TTLL13: variants seen among roughly 807,000 people sequenced by gnomAD.
The protein encoded by TTLL13 is tubulin tyrosine ligase like 13.
At chr15:90,256,545 T>TTTTCTTTCTTTCTC in the TTLL13 span, among the ~76,000 whole-genome samples, 8 of 105,392 alleles carry the variant, frequency 7.6e-5, no homozygotes, top group African/African-American at 2.6e-4. Context: ...TCTCCTTCCT[T>TTTTCTTTCTTTCTC]TTTCTTTCTT....
At chr15:90,258,932 G>C in the TTLL13 span, 1 of 1,614,184 alleles carries the variant, frequency 6.2e-7, no homozygotes, top group Non-Finnish European at 8.5e-7. Context: ...ATCTAGGTGT[G>C]CTAGGTGTCT....
At chr15:90,251,219 T>G in the TTLL13 span, among the ~76,000 whole-genome samples, 1 of 149,034 alleles carries the variant, frequency 6.7e-6, no homozygotes, top group Non-Finnish European at 1.5e-5. Context: ...GTTCAGGCCA[T>G]TCTCCTGCCT....
the TTLL13 span, chr15:90,265,327 CA>C: frequency 8.2e-7 from 1 of 1,221,440 alleles, no homozygotes; most frequent in Non-Finnish European, 1.0e-6. Flanking sequence ...GCCGAGTGCC[CA>C]AGGCACTGGG....
the TTLL13 span, chr15:90,261,946 C>G: frequency 1.5e-6 from 2 of 1,355,278 alleles, no homozygotes; most frequent in Non-Finnish European, 1.9e-6. Context: ...GTCAGTCTTC[C>G]TTTCCCTACT....
At chr15:90,258,525 C>A in the TTLL13 span, 1 of 613,848 alleles carries the variant, frequency 1.6e-6, no homozygotes, top group Non-Finnish European at 2.9e-6. Context: ...TTTAGGGACA[C>A]ACTATCTAGA....
the TTLL13 span, chr15:90,262,247 G>A: frequency 7.0e-7 from 1 of 1,434,856 alleles, no homozygotes. Context: ...TCCTGAAGCT[G>A]CATTGCTTCC....
At chr15:90,257,293 G>A in the TTLL13 span, 1 of 1,603,340 alleles carries the variant, frequency 6.2e-7, no homozygotes, top group African/African-American at 1.3e-5. Flanking sequence ...TAAGGGGACT[G>A]GGAAGCACTC....
At chr15:90,257,827 A>T in the TTLL13 span, 173,569 of 1,193,214 alleles carry the variant, frequency 0.15, 15,458 homozygotes, top group African/African-American at 0.37. Context: ...GCCCAGGGAA[A>T]CTCAGCCTTT....
the TTLL13 span, chr15:90,263,809 C>T: frequency 7.0e-6 from 5 of 713,614 alleles, no homozygotes; most frequent in Non-Finnish European, 1.0e-5. Context: ...ACTGGTGCTC[C>T]TAAGAGGGGC....
chr15:90,253,264 A>G, the TTLL13 span: 1 of 1,613,854 alleles, frequency 6.2e-7, no homozygotes, highest in South Asian at 1.1e-5. Context: ...CGGGCAGCCC[A>G]AATGTGTGGC....
At chr15:90,250,791 C>A in the TTLL13 span, 9 of 1,614,184 alleles carry the variant, frequency 5.6e-6, no homozygotes, top group Non-Finnish European at 7.6e-6. Context: ...GGGGTTCCCT[C>A]ACCCATTATG....
At chr15:90,257,289 G>C in the TTLL13 span, 2 of 1,607,224 alleles carry the variant, frequency 1.2e-6, no homozygotes, top group Non-Finnish European at 1.7e-6. Flanking sequence ...CTGGTAAGGG[G>C]ACTGGGAAGC....
chr15:90,265,457 A>G, the TTLL13 span: 5 of 1,349,718 alleles, frequency 3.7e-6, no homozygotes, highest in Non-Finnish European at 4.7e-6. Context: ...CCGTACTTTA[A>G]TTAAAGTTTA....
At chr15:90,265,100 A>T in the TTLL13 span, 2 of 1,271,524 alleles carry the variant, frequency 1.6e-6, no homozygotes, top group Non-Finnish European at 2.1e-6. Context: ...CCATTTGTAT[A>T]AGGCAAAATA....
the TTLL13 span, chr15:90,258,286 A>T: frequency 1.9e-6 from 3 of 1,612,818 alleles, no homozygotes; most frequent in Admixed American, 5.0e-5. Flanking sequence ...ATTATCTCCT[A>T]GGCTTTGCAA....
the TTLL13 span, chr15:90,259,018 T>G: frequency 6.3e-7 from 1 of 1,599,824 alleles, no homozygotes; most frequent in East Asian, 2.2e-5. Context: ...TGGGGCTGAT[T>G]TGCTATCAAA....
chr15:90,258,664 C>T, the TTLL13 span: 1 of 1,231,880 alleles, frequency 8.1e-7, no homozygotes, highest in Non-Finnish European at 1.2e-6. Context: ...TATCTTAGAC[C>T]CTCTAGTTAA....
At chr15:90,258,075 A>G in the TTLL13 span, 2 of 1,614,238 alleles carry the variant, frequency 1.2e-6, no homozygotes, top group South Asian at 2.2e-5. Flanking sequence ...GCAAGAGCAC[A>G]GCTACAACCC....
chr15:90,256,265 G>A, the TTLL13 span: 4 of 1,614,090 alleles, frequency 2.5e-6, no homozygotes, highest in African/African-American at 4.0e-5. Flanking sequence ...CAAGCCAGGA[G>A]AGCATATGAT....
Sources: allele counts gnomAD v4.1 joint callset (sites outside exome capture counted in the v4.1 genomes callset), GRCh38; gene constraint gnomAD v4.1.1; transcripts MANE v1.5; gene names NCBI Gene and HGNC (gene_info 2026-07-23, HGNC 2026-07-21).